The following ANXA10 variants were observed in gnomAD, a reference collection of about 807,000 sequenced individuals.
ANXA10 encodes the protein annexin A10.
Under a neutral mutation model 53.5 loss-of-function variants are expected in ANXA10, and 49 were observed. The ratio of observed to expected loss-of-function variants is 0.92; its 90% CI spans 0.73 to 1.16. ANXA10 has a LOEUF of 1.16. Among genes scored for constraint, ANXA10 ranks in the 50% most tolerant of loss-of-function variants. The probability of loss-of-function intolerance (pLI) is 0.00; values close to 1 mark genes in which losing one functional copy is unlikely to be tolerated. For synonymous variants in ANXA10, 131 were observed against 128.9 expected (o/e 1.02, Z -0.11); for missense variants, 393 against 394.4 (o/e 1.00, Z 0.03).
intron 1 of ANXA10, among the ~76,000 whole-genome samples, chr4:168,105,223 G>C (rs1730701403): frequency 6.6e-6 from 1 of 151,762 alleles, no homozygotes; most frequent in Admixed American, 6.6e-5. Context: ...CAGGTATTAA[G>C]CCTATTACCC....
chr4:168,126,680 T>A (rs1357820288), intron 1 of ANXA10, among the ~76,000 whole-genome samples: 1 of 152,206 alleles, frequency 6.6e-6, no homozygotes, highest in African/African-American at 2.4e-5. Context: ...TATATTTATT[T>A]CTGTTTTGTT....
At chr4:168,146,518 G>A (rs550284898) in intron 3 of ANXA10, among the ~76,000 whole-genome samples, 1 of 152,294 alleles carries the variant, frequency 6.6e-6, no homozygotes, top group South Asian at 2.1e-4. Context: ...ATTGGCAAGC[G>A]GTGGTAACCT....
chr4:168,140,089 A>C (rs1374267658), intron 3 of ANXA10, among the ~76,000 whole-genome samples: 1 of 152,218 alleles, frequency 6.6e-6, no homozygotes, highest in Non-Finnish European at 1.5e-5. Context: ...AAAGAATGGC[A>C]GTTTAAAAAT....
At chr4:168,111,826 C>A (rs184211756) in intron 1 of ANXA10, among the ~76,000 whole-genome samples, 1 of 152,198 alleles carries the variant, frequency 6.6e-6, no homozygotes, top group Admixed American at 6.5e-5. Flanking sequence ...TATTTCAGTT[C>A]TTTTTAAATA....
At position 168,181,228 on chromosome 4, in the gene ANXA10, A is replaced by G. The variant is rs193025272; in HGVS notation, c.725-455A>G. Among the ~76,000 whole-genome samples the G allele has an allele frequency of 6.8e-3, 1,041 of 152,070 alleles. 9 individuals are homozygous for G. Among genetic ancestry groups the G allele is most frequent in the African/African-American group, 0.024 (986 of 41,504 alleles). On this transcript the variant is annotated intron_variant, in intron 9 of 11. Coordinates refer to ENST00000359299, the MANE Select transcript of ANXA10 (RefSeq NM_007193.5). ...AACACAGTGAAACCCCGTCTCTACT[A>G]AAAATACAAAAAGTTAGCCGGGCGT... is the stretch of plus-strand genomic sequence containing the variant.
intron 11 of ANXA10, among the ~76,000 whole-genome samples, chr4:168,186,791 A>G (rs1243564479): frequency 6.6e-6 from 1 of 152,164 alleles, no homozygotes; most frequent in East Asian, 1.9e-4. Flanking sequence ...GAATCATGGT[A>G]TTCTGCTGTA....
At chr4:168,118,395 C>T (rs938239918) in intron 1 of ANXA10, among the ~76,000 whole-genome samples, 7 of 152,182 alleles carry the variant, frequency 4.6e-5, no homozygotes, top group Non-Finnish European at 7.3e-5. Flanking sequence ...AGGGAGGAAG[C>T]TATTGTAACT....
chr4:168,132,707 G>C (rs1422135626), intron 2 of ANXA10, among the ~76,000 whole-genome samples: 2 of 151,862 alleles, frequency 1.3e-5, no homozygotes, highest in African/African-American at 4.8e-5. Flanking sequence ...ATTTCATATT[G>C]CATGCCTATA....
intron 2 of ANXA10, among the ~76,000 whole-genome samples, chr4:168,137,346 G>T (rs1310737318): frequency 6.6e-6 from 1 of 152,128 alleles, no homozygotes; most frequent in African/African-American, 2.4e-5. Context: ...TTGCATACTT[G>T]TGGAGTCTGT....
At chr4:168,166,031 T>G (rs1731872658) in intron 6 of ANXA10, among the ~76,000 whole-genome samples, 1 of 152,214 alleles carries the variant, frequency 6.6e-6, no homozygotes, top group Non-Finnish European at 1.5e-5. Context: ...ACACTAACAT[T>G]TCTGAGCTCC....
chr4:168,169,076 G>A (rs1731934301), intron 6 of ANXA10, among the ~76,000 whole-genome samples: 2 of 152,170 alleles, frequency 1.3e-5, no homozygotes, highest in Non-Finnish European at 2.9e-5. Flanking sequence ...ACAAACTGAA[G>A]CGTCTGGTAA....
chr4:168,098,766 C>T (rs889841028), intron 1 of ANXA10, among the ~76,000 whole-genome samples: 1 of 151,296 alleles, frequency 6.6e-6, no homozygotes, highest in Admixed American at 6.6e-5. Context: ...GTCCTCTAGA[C>T]ATTCTGGGTA....
chr4:168,149,974 T>C (rs1731471110), intron 3 of ANXA10, among the ~76,000 whole-genome samples: 1 of 152,164 alleles, frequency 6.6e-6, no homozygotes. Context: ...CCAGTAAATG[T>C]TCTCTTCTCC....
Position 168,107,220 on chromosome 4 carries a change from A to G in ANXA10, c.18+14502A>G, listed in dbSNP as rs193096953. The stretch of plus-strand genomic sequence containing the variant: ...AAAACTGTTAAATAATTCTTTGAGG[A>G]TAAAATAGATTTAGACCAAGAATGT... On this transcript the variant is annotated intron_variant, in intron 1 of 11. Coordinates refer to ENST00000359299, the MANE Select transcript of ANXA10 (RefSeq NM_007193.5). Among the ~76,000 whole-genome samples, 8 of 152,324 alleles carry G rather than the reference A, an allele frequency of 5.3e-5. No homozygotes were observed. In the East Asian group the frequency reaches 1.5e-3, roughly 29 times the overall value.
At chr4:168,166,352 G>A (rs562248406) in intron 6 of ANXA10, among the ~76,000 whole-genome samples, 80 of 152,174 alleles carry the variant, frequency 5.3e-4, no homozygotes, top group African/African-American at 1.9e-3. Context: ...TTCTGTACTG[G>A]CTAAATGATA....
rs1730904961 is a variant in ANXA10, at chr4:168,116,996, G to GACACACACATACACAC, written c.19-11079_19-11078insTACACACACACACACA. 2.0e-5 allele frequency among the ~76,000 whole-genome samples: 3 copies of GACACACACATACACAC among 151,130 alleles called. No homozygotes were observed. In the South Asian group the frequency reaches 6.3e-4, roughly 32 times the overall value. On this transcript the variant is annotated intron_variant, in intron 1 of 11. Transcript: ENST00000359299. The stretch of plus-strand genomic sequence containing the variant: ...ATATCATCAGCAAATTTTTCACACA[G>GACACACACATACACAC]ACACACACACACACTATGTGGTGTT...
At chr4:168,117,926 CA>C (rs1421967755) in intron 1 of ANXA10, among the ~76,000 whole-genome samples, 7 of 147,112 alleles carry the variant, frequency 4.8e-5, no homozygotes, top group African/African-American at 1.9e-4. Context: ...CTCACTCACT[CA>C]CTCACTCACT....
rs371037470 is a variant in ANXA10 at position 168,143,425 on chromosome 4, G to A, written c.195+3845G>A. Reference sequence around the variant, plus strand: ...ACTTCTTACTTGACATTTTACATTCGTGCAGAGTGGCTGAATTTCATCAGC... The same window carrying A: ...ACTTCTTACTTGACATTTTACATTCATGCAGAGTGGCTGAATTTCATCAGC... On this transcript the variant is annotated intron_variant, in intron 3 of 11. Transcript: ENST00000359299. 7.2e-5 allele frequency among the ~76,000 whole-genome samples: 11 copies of A among 152,256 alleles called. No individual in the cohort carries two copies. In the Middle Eastern group the frequency reaches 0.01, roughly 141 times the overall value.
chr4:168,165,748 C>A (rs546713216), intron 6 of ANXA10, among the ~76,000 whole-genome samples: 2 of 152,240 alleles, frequency 1.3e-5, no homozygotes, highest in South Asian at 4.1e-4. Flanking sequence ...ATGATCTCAG[C>A]TCACTGCAAC....
Sources: allele counts gnomAD v4.1 joint callset (sites outside exome capture counted in the v4.1 genomes callset), GRCh38; gene constraint gnomAD v4.1.1; transcripts MANE v1.5; gene names NCBI Gene and HGNC (gene_info 2026-07-23, HGNC 2026-07-21).